Variants in SMARCC2 observed in about 807,000 individuals in gnomAD.
SMARCC2 encodes the protein SWI/SNF related BAF chromatin remodeling complex subunit C2.
A neutral mutation model predicts 151.3 loss-of-function variants in SMARCC2; 15 were observed. That is an observed-to-expected ratio of 0.10 (90% CI 0.07 to 0.15). The LOEUF (loss-of-function observed/expected upper bound fraction) is 0.15. Ranked by LOEUF, SMARCC2 falls within the 10% of genes least tolerant of loss-of-function variation. The pLI is 1.00. For missense variants in SMARCC2, 1,031 were observed against 1,599.7 expected (o/e 0.64, Z 6.06); for synonymous variants, 590 against 609.5 (o/e 0.97, Z 0.47).
At position 56,165,449 on chromosome 12, in the gene SMARCC2, G is replaced by A. The variant is rs771002026; in HGVS notation, c.3101C>T (p.Pro1034Leu). 5.2e-6 allele frequency: 8 copies of A among 1,535,960 alleles called. No homozygotes were observed. The highest frequency in any genetic ancestry group is 2.5e-5 in the South Asian group (2 of 78,696). Residue 1034 changes from proline (P) to leucine (L), a missense_variant, in exon 27 of 29, where the codon CCT (proline) becomes CTT (leucine). Physicochemically the swap from Pro to Leu is moderately conservative, Grantham distance 98 (BLOSUM62 -3). Around this residue, in one of 12 missense-constraint regions of SMARCC2, gnomAD observed 310 missense variants for 350.0 expected, o/e 0.89. Coordinates refer to ENST00000550164, the MANE Select transcript of SMARCC2 (RefSeq NM_001330288.2). ...TTCAGAAGGGCCCAAACTTCCTGGA[G>A]GGGCCCCACTGCCAGCAGGAGCAGG... ...VVPAPAGSGA[P>L]PGSLGPSEQI...
chr12:56,180,953 C>A, intron 11 of SMARCC2, 24 bp downstream of exon 11: 2 of 1,596,828 alleles, frequency 1.3e-6, no homozygotes, highest in Non-Finnish European at 1.7e-6. Context: ...GGGGTGGATC[C>A]CAGGAGCTCA....
intron 15 of SMARCC2, among the ~76,000 whole-genome samples, chr12:56,175,029 G>C (rs1379276433): frequency 6.7e-6 from 1 of 148,678 alleles, no homozygotes; most frequent in Non-Finnish European, 1.5e-5. Flanking sequence ...TTTTTTTTTT[G>C]AGATGGAGTT....
rs191118054 is a variant in SMARCC2 at position 56,174,897 on chromosome 12, T to C, written c.1383-133A>G. On this transcript the variant is annotated intron_variant, in intron 15 of 28. Coordinates refer to ENST00000550164, the MANE Select transcript of SMARCC2 (RefSeq NM_001330288.2). ...TGGAAAAAAGTAGATTATTTGACTC[T>C]ACATGCTGAGTGCCTGCTATGTGCT... 8.5e-4 allele frequency: 534 copies of C among 630,710 alleles called. 6 individuals are homozygous for C. In the African/African-American group the frequency reaches 9.1e-3, roughly 11 times the overall value. The allele number at this position is 630,710 out of a possible 1,614,324, so 39.1% of individuals were successfully genotyped here.
Position 56,173,025 on chromosome 12 carries a change from C to T in SMARCC2, c.1655G>A (p.Arg552His). The part of the protein sequence containing the change: ...VPLQPKTPQG[R>H]QVDADTKAGR... Reference sequence around the variant, plus strand: ...AGCCTTGGTATCAGCATCAACCTGGCGGCCCTGGGGGACAGAGCTTGGCGT... The same window carrying T: ...AGCCTTGGTATCAGCATCAACCTGGTGGCCCTGGGGGACAGAGCTTGGCGT... The change falls in exon 18 of 29, where the codon CGC becomes CAC. Residue 552 changes from arginine (R) to histidine (H), a missense_variant. This residue lies in a region of SMARCC2 where 99 missense variants were observed against 148.3 expected (regional missense o/e 0.67). Transcript: ENST00000550164. 2.5e-6 allele frequency: 4 copies of T among 1,614,002 alleles called. No homozygotes were observed. Among genetic ancestry groups the T allele is most frequent in the Non-Finnish European group, 3.4e-6 (4 of 1,180,010 alleles).
chr12:56,165,440 C>T lies in SMARCC2; in HGVS notation c.3110G>A (p.Ser1037Asn), dbSNP rs1382421707. The T allele has an allele frequency of 2.0e-6, 3 of 1,533,312 alleles. No individual in the cohort carries two copies. Among genetic ancestry groups the T allele is most frequent in the Admixed American group, 4.1e-5 (2 of 48,366 alleles). The allele number at this position is 1,533,312 out of a possible 1,614,324, so 95.0% of individuals were successfully genotyped here. The change falls in exon 27 of 29, where the codon AGT becomes AAT. Residue 1037 changes from serine to asparagine, a missense_variant. By Grantham distance (46) the Ser-to-Asn change is conservative. This residue lies in a region of SMARCC2 where 310 missense variants were observed against 350.0 expected (regional missense o/e 0.89). Transcript: ENST00000550164. ...APAGSGAPPG[S>N]LGPSEQIGQA... Reference sequence around the variant, plus strand: ...CCCAATCTGTTCAGAAGGGCCCAAACTTCCTGGAGGGGCCCCACTGCCAGC... The same window carrying T: ...CCCAATCTGTTCAGAAGGGCCCAAATTTCCTGGAGGGGCCCCACTGCCAGC...
intron 16 of SMARCC2, 160 bp downstream of exon 16, chr12:56,174,491 C>A: frequency 1.7e-6 from 1 of 598,238 alleles, no homozygotes; most frequent in Non-Finnish European, 3.1e-6. Flanking sequence ...TTGCTAATCC[C>A]TCAAGTCATT....
chr12:56,188,902 C>G (rs1877800478), intron 1 of SMARCC2, among the ~76,000 whole-genome samples: 1 of 152,090 alleles, frequency 6.6e-6, no homozygotes, highest in East Asian at 1.9e-4. Flanking sequence ...TCCATTCTCT[C>G]TCTCTGAACA....
At position 56,187,203 on chromosome 12, in the gene SMARCC2, G is replaced by A; in HGVS notation, c.215C>T (p.Pro72Leu). 6.2e-7 allele frequency: 1 copy of A among 1,613,764 alleles called. No individual in the cohort carries two copies. The highest frequency in any genetic ancestry group is 8.5e-7 in the Non-Finnish European group (1 of 1,179,794). ...TGCACTCACCGGCAGTTTAGTGAGC[G>A]GTGCATTGCTGACATGTTTGCCAAA... is the stretch of plus-strand genomic sequence containing the variant. Reference protein sequence around the residue: ...EVFGKHVSNAPLTKLPIKCFL... With the variant: ...EVFGKHVSNALLTKLPIKCFL... Residue 72 changes from proline to leucine, a missense_variant, in exon 2 of 29, where the codon CCG becomes CTG. Transcript: ENST00000550164.
intron 3 of SMARCC2, 187 bp downstream of exon 3, chr12:56,185,968 C>T: frequency 1.7e-6 from 1 of 602,084 alleles, no homozygotes; most frequent in Non-Finnish European, 2.9e-6. Context: ...GTGATACTCA[C>T]ACACTCACTC....
At chr12:56,167,373 A>AAAT (rs1872995377) in intron 26 of SMARCC2, among the ~76,000 whole-genome samples, 1 of 152,006 alleles carries the variant, frequency 6.6e-6, no homozygotes, top group Admixed American at 6.6e-5. Context: ...ATAAATAAAT[A>AAAT]AAATAAATTG....
chr12:56,169,441 G>A (rs201340020), intron 25 of SMARCC2, 88 bp downstream of exon 25: 80 of 1,435,572 alleles, frequency 5.6e-5, no homozygotes, highest in Non-Finnish European at 7.1e-5. Flanking sequence ...ATTATTTAAG[G>A]TGTGAGTGAG....
intron 1 of SMARCC2, among the ~76,000 whole-genome samples, chr12:56,187,726 G>T (rs540284339): frequency 1.8e-4 from 27 of 152,222 alleles, no homozygotes; most frequent in Non-Finnish European, 3.5e-4. Flanking sequence ...GTAAAGCCAT[G>T]ATTCCCCCTA....
rs751408994 is a variant in SMARCC2, at chr12:56,186,170, T to C, written c.302A>G (p.Lys101Arg). 1.2e-6 allele frequency: 2 copies of C among 1,609,716 alleles called. No homozygotes were observed. The highest frequency in any genetic ancestry group is 8.5e-7 in the Non-Finnish European group (1 of 1,175,992). ...CHILAAAYKF[K>R]SDQGWRRYDF... Reference sequence around the variant, plus strand: ...ATCATCTCACCATCCCTGGTCACTCTTGAATTTGTAGGCAGCTGCAAGAAT... The same window carrying C: ...ATCATCTCACCATCCCTGGTCACTCCTGAATTTGTAGGCAGCTGCAAGAAT... Residue 101 changes from lysine to arginine, a missense_variant, in exon 3 of 29, where the codon AAG becomes AGG. Lys to Arg is a conservative substitution (Grantham distance 26). This residue lies in a region of SMARCC2 where 16 missense variants were observed against 56.0 expected (regional missense o/e 0.29). Coordinates refer to ENST00000550164, the MANE Select transcript of SMARCC2 (RefSeq NM_001330288.2).
rs34102859 is a variant in SMARCC2, at chr12:56,162,605, G to A, written c.*1084C>T. On this transcript the variant is annotated 3_prime_UTR_variant, in exon 29 of 29. Transcript: ENST00000550164. Reference sequence around the variant, plus strand: ...GTGGAGCAGGAATGCGGGAAGCAGAGTTGAGCTGCGAGCCAAGGGTTGGTC... The same window carrying A: ...GTGGAGCAGGAATGCGGGAAGCAGAATTGAGCTGCGAGCCAAGGGTTGGTC... 1,023 of 381,912 alleles carry A rather than the reference G, an allele frequency of 2.7e-3. 3 individuals are homozygous for A. Among genetic ancestry groups the A allele is most frequent in the Non-Finnish European group, 4.2e-3 (888 of 212,178 alleles). 23.7% of individuals were successfully genotyped at this position (381,912 alleles called of 1,614,324 possible).
chr12:56,179,839 AC>A (rs1171232691), intron 11 of SMARCC2, among the ~76,000 whole-genome samples: 1 of 151,916 alleles, frequency 6.6e-6, no homozygotes, highest in Non-Finnish European at 1.5e-5. Flanking sequence ...GGCGCCCACC[AC>A]CACGCCTGGC....
Position 56,189,371 on chromosome 12 carries a change from G to A in SMARCC2, c.91C>T (p.Leu31Phe). Reference sequence around the variant, plus strand: ...CGTACCTTCTTGTAGTTCTTGCCGAGCCACAGCCGCACGTTGTCGAACTGG... The same window carrying A: ...CGTACCTTCTTGTAGTTCTTGCCGAACCACAGCCGCACGTTGTCGAACTGG... ...VTQFDNVRLW[L>F]GKNYKKYIQA... Residue 31 changes from leucine (L) to phenylalanine (F), a missense_variant, in exon 1 of 29, where the codon CTC (leucine) becomes TTC (phenylalanine). Physicochemically the swap from Leu to Phe is conservative, Grantham distance 22 (BLOSUM62 0). This residue lies in a region of SMARCC2 where 50 missense variants were observed against 52.4 expected (regional missense o/e 0.95). Transcript: ENST00000550164. 6.5e-7 allele frequency: 1 copy of A among 1,538,236 alleles called. No homozygotes were observed. The highest frequency in any genetic ancestry group is 8.8e-7 in the Non-Finnish European group (1 of 1,138,812).
At chr12:56,164,878 T>G (rs1872501051) in intron 27 of SMARCC2, 147 bp from the exon 28 acceptor site, 1 of 695,532 alleles carries the variant, frequency 1.4e-6, no homozygotes, top group South Asian at 1.9e-5. Context: ...AACCTCCGCC[T>G]CCCGGGTTTA....
chr12:56,168,617 A>G (rs1297549373), intron 25 of SMARCC2, among the ~76,000 whole-genome samples: 1 of 151,636 alleles, frequency 6.6e-6, no homozygotes, highest in African/African-American at 2.4e-5. Context: ...CAGGTGATCC[A>G]CCTGCCTCAG....
At position 56,164,429 on chromosome 12, in the gene SMARCC2, G is replaced by C; in HGVS notation, c.3535C>G (p.Pro1179Ala). 2.5e-6 allele frequency: 4 copies of C among 1,614,056 alleles called. No homozygotes were observed. The highest frequency in any genetic ancestry group is 3.4e-6 in the Non-Finnish European group (4 of 1,180,030). Residue 1179 changes from proline (P) to alanine (A), a missense_variant, in exon 28 of 29, where the codon CCG (proline) becomes GCG (alanine). By Grantham distance (27) the Pro-to-Ala change is conservative. Coordinates refer to ENST00000550164, the MANE Select transcript of SMARCC2 (RefSeq NM_001330288.2). The stretch of plus-strand genomic sequence containing the variant: ...GAAGATGGCATGGTGGTGGTCGCCG[G>C]CAGGTTAGGATGTAGAGGGTTCGCC... The part of the protein sequence containing the change: ...SMANPLHPNL[P>A]ATTTMPSSLP...
Sources: gnomAD v4.1 joint callset for allele counts (sites outside exome capture counted in the v4.1 genomes callset) on GRCh38, gnomAD v4.1.1 for gene constraint, gnomAD v4.1.1 regional missense constraint, MANE v1.5 for transcripts, NCBI Gene and HGNC (gene_info 2026-07-23, HGNC 2026-07-21) for gene names.